The following SLC9A9 variants were observed in gnomAD, a reference collection of about 807,000 sequenced individuals.
SLC9A9 encodes sodium/hydrogen exchanger 9.
SLC9A9 carries 62 observed loss-of-function variants against 77.8 expected under a neutral mutation model. The ratio of observed to expected loss-of-function variants is 0.80; its 90% CI spans 0.65 to 0.98. The LOEUF is 0.98. SLC9A9 is among the 50% of genes least tolerant of loss of function. The pLI, the probability that SLC9A9 is intolerant of heterozygous loss-of-function variation, is 0.00. For missense variants in SLC9A9, 775 were observed against 774.9 expected, an observed-to-expected ratio of 1.00 and a Z score of 0.00; for synonymous variants, 320 against 283.5, an observed-to-expected ratio of 1.13 and a Z score of -1.29.
At chr3:143,710,262 T>C (rs1354645641) in intron 4 of SLC9A9, among the ~76,000 whole-genome samples, 1 of 152,166 alleles carries the variant, frequency 6.6e-6, no homozygotes, top group African/African-American at 2.4e-5. Flanking sequence ...TCTCAAAGTA[T>C]AAAATTCAGC....
intron 4 of SLC9A9, among the ~76,000 whole-genome samples, chr3:143,733,880 C>T (rs1282604695): frequency 3.9e-5 from 6 of 152,118 alleles, no homozygotes; most frequent in Admixed American, 3.9e-4. Context: ...TTTGAACTGA[C>T]TGAGGATAAC....
At chr3:143,815,866 A>C (rs1020750895) in intron 2 of SLC9A9, among the ~76,000 whole-genome samples, 1 of 152,122 alleles carries the variant, frequency 6.6e-6, no homozygotes, top group African/African-American at 2.4e-5. Flanking sequence ...TTCCATCTCA[A>C]AAAAACAAAC....
intron 15 of SLC9A9, 45 bp from the exon 16 acceptor site, chr3:143,266,974 G>A: frequency 6.4e-7 from 1 of 1,566,542 alleles, no homozygotes. Context: ...GATGAAGGCA[G>A]AAAACAATAG....
At chr3:143,803,152 G>A (rs555715697) in intron 2 of SLC9A9, among the ~76,000 whole-genome samples, 1 of 152,210 alleles carries the variant, frequency 6.6e-6, no homozygotes, top group African/African-American at 2.4e-5. Flanking sequence ...CCTCCCCACT[G>A]GGTTCACCGT....
chr3:143,614,620 G>A (rs1384707848), intron 6 of SLC9A9, among the ~76,000 whole-genome samples: 1 of 151,966 alleles, frequency 6.6e-6, no homozygotes, highest in Admixed American at 6.6e-5. Flanking sequence ...TATTCAATAG[G>A]GATCCAAGAT....
chr3:143,390,657 C>T (rs1190666467), intron 12 of SLC9A9, among the ~76,000 whole-genome samples: 1 of 152,206 alleles, frequency 6.6e-6, no homozygotes, highest in Non-Finnish European at 1.5e-5. Context: ...CGAGGCGTCG[C>T]CTCACCCGGG....
chr3:143,544,782 A>C (rs1249873765), intron 9 of SLC9A9, among the ~76,000 whole-genome samples: 1 of 152,092 alleles, frequency 6.6e-6, no homozygotes, highest in African/African-American at 2.4e-5. Flanking sequence ...GTTTTCTTTT[A>C]GGGATTTTAT....
At chr3:143,783,774 G>C (rs1266726070) in intron 4 of SLC9A9, among the ~76,000 whole-genome samples, 1 of 152,036 alleles carries the variant, frequency 6.6e-6, no homozygotes, top group Non-Finnish European at 1.5e-5. Flanking sequence ...TGACAGTTTT[G>C]GTAATATTGT....
At chr3:143,268,295 C>T (rs778049144) in intron 15 of SLC9A9, among the ~76,000 whole-genome samples, 1 of 152,206 alleles carries the variant, frequency 6.6e-6, no homozygotes, top group African/African-American at 2.4e-5. Context: ...AACCTCAAAA[C>T]ACAGCAGTTT....
chr3:143,514,066 A>G lies in SLC9A9; in HGVS notation c.1090-18618T>C, dbSNP rs188889339. Among the ~76,000 whole-genome samples, 637 of 152,190 alleles carry G rather than the reference A, an allele frequency of 4.2e-3. 3 individuals carry two copies. The highest frequency in any genetic ancestry group is 0.014 in the African/African-American group (570 of 41,514). On this transcript the variant is annotated intron_variant, in intron 9 of 15. Transcript: ENST00000316549. ...TGTGTCCAAGTGATCTCATTGTTCA[A>G]TTCCCACCTATGAGTGAGAACATGC... is the stretch of plus-strand genomic sequence containing the variant.
intron 3 of SLC9A9, 113 bp downstream of exon 3, chr3:143,796,713 G>A: frequency 1.4e-6 from 1 of 707,298 alleles, no homozygotes. Context: ...ACAAATTTAA[G>A]ATAATGATAC....
chr3:143,636,871 C>T (rs1290210530), intron 6 of SLC9A9, among the ~76,000 whole-genome samples: 2 of 152,196 alleles, frequency 1.3e-5, no homozygotes, highest in Non-Finnish European at 2.9e-5. Context: ...CTAAGGCTAT[C>T]TATAACCAAG....
chr3:143,362,300 T>TA (rs2032775392), intron 14 of SLC9A9, among the ~76,000 whole-genome samples: 1 of 152,206 alleles, frequency 6.6e-6, no homozygotes, highest in African/African-American at 2.4e-5. Flanking sequence ...AACAAAACTC[T>TA]AACCTCAAAA....
At position 143,624,514 on chromosome 3, in the gene SLC9A9, C is replaced by A. The variant is rs1318295837; in HGVS notation, c.755+27741G>T. 2.0e-5 allele frequency among the ~76,000 whole-genome samples: 3 copies of A among 152,124 alleles called. No homozygotes were observed. The East Asian group carries it at 5.8e-4, about 29-fold the overall frequency. On this transcript the variant is annotated intron_variant, in intron 6 of 15. Transcript: ENST00000316549. ...ATATAAACAAAACCAATGACAAAAA[C>A]CATATGATTATCTCAATAGGTGCAG...
chr3:143,615,925 G>C (rs2038096578), intron 6 of SLC9A9, among the ~76,000 whole-genome samples: 1 of 149,226 alleles, frequency 6.7e-6, no homozygotes, highest in African/African-American at 2.5e-5. Context: ...CTGTTGCCCA[G>C]CCTGGAGTGC....
At chr3:143,692,574 T>G (rs1933504376) in intron 5 of SLC9A9, among the ~76,000 whole-genome samples, 1 of 152,180 alleles carries the variant, frequency 6.6e-6, no homozygotes, top group African/African-American at 2.4e-5. Flanking sequence ...ATGTCTGATA[T>G]GCTTGAAAAG....
At chr3:143,699,621 G>T (rs571462483) in intron 4 of SLC9A9, among the ~76,000 whole-genome samples, 1 of 152,290 alleles carries the variant, frequency 6.6e-6, no homozygotes, top group Non-Finnish European at 1.5e-5. Flanking sequence ...TTTCCACAGA[G>T]GAAGTATAAA....
intron 12 of SLC9A9, among the ~76,000 whole-genome samples, chr3:143,426,086 A>C (rs2034400137): frequency 6.6e-6 from 1 of 152,178 alleles, no homozygotes; most frequent in Non-Finnish European, 1.5e-5. Flanking sequence ...ACAGGCAGAA[A>C]CTAGTATTAT....
chr3:143,834,978 C>T (rs2009532771), intron 1 of SLC9A9, among the ~76,000 whole-genome samples: 2 of 152,256 alleles, frequency 1.3e-5, no homozygotes, highest in South Asian at 2.1e-4. Context: ...AGGCTCCCAG[C>T]CGATGACTGA....
Sources: allele counts gnomAD v4.1 joint callset (sites outside exome capture counted in the v4.1 genomes callset), GRCh38; gene constraint gnomAD v4.1.1; transcripts MANE v1.5; gene names NCBI Gene and HGNC (gene_info 2026-07-23, HGNC 2026-07-21).